INPP5A: variants seen among roughly 807,000 people sequenced by gnomAD.
INPP5A encodes inositol polyphosphate-5-phosphatase A.
A neutral mutation model predicts 65.2 loss-of-function variants in INPP5A; 14 were observed. The observed-to-expected ratio is 0.21, with a 90% CI of 0.14 to 0.34. INPP5A has a LOEUF of 0.34. Among genes scored for constraint, INPP5A ranks in the 10% least tolerant of loss-of-function variants. The probability of loss-of-function intolerance (pLI) is 1.00; values close to 1 mark genes in which losing one functional copy is unlikely to be tolerated. For synonymous variants in INPP5A, 207 were observed against 208.3 expected (o/e 0.99, Z 0.05); for missense variants, 431 against 545.6 (o/e 0.79, Z 2.09).
At chr10:132,580,426 G>A (rs541916452) in intron 1 of INPP5A, among the ~76,000 whole-genome samples, 1 of 152,296 alleles carries the variant, frequency 6.6e-6, no homozygotes, top group South Asian at 2.1e-4. Flanking sequence ...ATGATTGTAA[G>A]TTTTCTGAGG....
intron 5 of INPP5A, among the ~76,000 whole-genome samples, chr10:132,696,858 G>C (rs867224680): frequency 6.6e-6 from 1 of 152,170 alleles, no homozygotes; most frequent in African/African-American, 2.4e-5. Flanking sequence ...GGCTGGGCCA[G>C]ACCACAGCAC....
chr10:132,660,875 C>T (rs2072727296), intron 4 of INPP5A, among the ~76,000 whole-genome samples: 1 of 152,140 alleles, frequency 6.6e-6, no homozygotes, highest in African/African-American at 2.4e-5. Flanking sequence ...ACAGAGAGGA[C>T]CAGAAGTGGT....
At chr10:132,756,910 A>C (rs777783931) in intron 11 of INPP5A, among the ~76,000 whole-genome samples, 1 of 152,218 alleles carries the variant, frequency 6.6e-6, no homozygotes, top group Admixed American at 6.5e-5. Flanking sequence ...GCCTAGGCTC[A>C]TGTCTGTGTC....
rs373234520 is a variant in INPP5A, at chr10:132,708,774, G to A, written c.527+409G>A. Among the ~76,000 whole-genome samples, 624 of 152,308 alleles carry A rather than the reference G, an allele frequency of 4.1e-3. 2 individuals are homozygous for A. The highest frequency in any genetic ancestry group is 0.01 in the Middle Eastern group (3 of 294). ...CAGCAGACTGAGCACAGACGTAGCG[G>A]AGCCTGCGTCTCATCCACATATCCT... is the stretch of plus-strand genomic sequence containing the variant. On this transcript the variant is annotated intron_variant, in intron 7 of 15. Coordinates refer to ENST00000368594, the MANE Select transcript of INPP5A (RefSeq NM_005539.5).
intron 2 of INPP5A, among the ~76,000 whole-genome samples, chr10:132,642,407 C>G (rs1026171636): frequency 9.2e-5 from 14 of 152,226 alleles, no homozygotes; most frequent in Non-Finnish European, 1.5e-5. Flanking sequence ...GTCTGGCGTT[C>G]CGGGGCCCCT....
At chr10:132,715,342 T>C (rs760956290) in intron 8 of INPP5A, among the ~76,000 whole-genome samples, 20 of 152,344 alleles carry the variant, frequency 1.3e-4, no homozygotes, top group Non-Finnish European at 2.4e-4. Flanking sequence ...CCCATTATTT[T>C]CTCACAAATA....
chr10:132,699,904 T>A (rs1180494933), intron 6 of INPP5A, among the ~76,000 whole-genome samples: 2 of 152,144 alleles, frequency 1.3e-5, no homozygotes, highest in Non-Finnish European at 2.9e-5. Context: ...TTGGGCAAGA[T>A]CTGGGGGCCT....
intron 6 of INPP5A, among the ~76,000 whole-genome samples, chr10:132,699,462 C>T (rs558844886): frequency 9.2e-5 from 14 of 152,164 alleles, no homozygotes; most frequent in African/African-American, 2.9e-4. Flanking sequence ...GCTGTTGACC[C>T]GGCACCTCGT....
At chr10:132,542,874 C>T (rs2070924218) in intron 1 of INPP5A, among the ~76,000 whole-genome samples, 1 of 152,210 alleles carries the variant, frequency 6.6e-6, no homozygotes. Context: ...CTCACTGTAG[C>T]CTTGAACTCC....
chr10:132,639,805 T>G (rs2072403338), intron 2 of INPP5A, among the ~76,000 whole-genome samples: 2 of 152,266 alleles, frequency 1.3e-5, no homozygotes, highest in African/African-American at 4.8e-5. Context: ...TAATTTCTAC[T>G]GACTTATTTT....
Position 132,676,924 on chromosome 10 carries a change from C to T in INPP5A, c.307-13468C>T, listed in dbSNP as rs935389101. Among the ~76,000 whole-genome samples the T allele has an allele frequency of 8.5e-5, 13 of 152,132 alleles. No homozygotes were observed. The highest frequency in any genetic ancestry group is 2.2e-4 in the African/African-American group (9 of 41,406). On this transcript the variant is annotated intron_variant, in intron 4 of 15. Coordinates refer to ENST00000368594, the MANE Select transcript of INPP5A (RefSeq NM_005539.5). The surrounding 1 kb of genome is among the most constrained non-coding windows in gnomAD (Gnocchi z 4.0). ...GGCCCATCCACATGGTGACCCCCACCGTCACCCAGGCATCTGTCCTCAACT... is the reference window on the plus strand; with the variant it reads ...GGCCCATCCACATGGTGACCCCCACTGTCACCCAGGCATCTGTCCTCAACT...
At position 132,756,368 on chromosome 10, in the gene INPP5A, A is replaced by T. The variant is rs898872094; in HGVS notation, c.903+6523A>T. Among the ~76,000 whole-genome samples, 3 of 151,342 alleles carry T rather than the reference A, an allele frequency of 2.0e-5. 1 individual carries two copies. The highest frequency in any genetic ancestry group is 4.4e-5 in the Non-Finnish European group (3 of 67,766). On this transcript the variant is annotated intron_variant, in intron 11 of 15. Coordinates refer to ENST00000368594, the MANE Select transcript of INPP5A (RefSeq NM_005539.5). The stretch of plus-strand genomic sequence containing the variant: ...TATGCATGTGTGTGTACACGTGTGC[A>T]CTCGTGTGTGTGTATGTGTGCGTGT...
At chr10:132,556,508 A>G (rs2071128796) in intron 1 of INPP5A, among the ~76,000 whole-genome samples, 1 of 152,190 alleles carries the variant, frequency 6.6e-6, no homozygotes, top group South Asian at 2.1e-4. Flanking sequence ...TGCATGTACA[A>G]GCATGCACTA....
At chr10:132,568,151 AC>A (rs1462516686) in intron 1 of INPP5A, among the ~76,000 whole-genome samples, 1 of 146,844 alleles carries the variant, frequency 6.8e-6, no homozygotes, top group African/African-American at 2.5e-5. Context: ...AGATCGAGCC[AC>A]TGCTCTCCAG....
Position 132,637,178 on chromosome 10 carries a change from C to T in INPP5A, c.118-8690C>T, listed in dbSNP as rs1456431410. ...TGGTTGATCCGCCCGCTGCCTCGGC[C>T]TCCCAAAGTGGTGGGATTACAGGCG... On this transcript the variant is annotated intron_variant, in intron 2 of 15. Coordinates refer to ENST00000368594, the MANE Select transcript of INPP5A (RefSeq NM_005539.5). The surrounding 1 kb of genome is among the most constrained non-coding windows in gnomAD (Gnocchi z 4.1). 1.3e-5 allele frequency among the ~76,000 whole-genome samples: 2 copies of T among 152,222 alleles called. No homozygotes were observed. The highest frequency in any genetic ancestry group is 1.3e-4 in the Admixed American group (2 of 15,288).
rs2071802272 is a variant in INPP5A at position 132,603,494 on chromosome 10, G to A, written c.76-4421G>A. Among the ~76,000 whole-genome samples, 1 of 152,210 alleles carries A rather than the reference G, an allele frequency of 6.6e-6. No individual in the cohort carries two copies. Among genetic ancestry groups the A allele is most frequent in the South Asian group, 2.1e-4 (1 of 4,838 alleles). Reference sequence around the variant, plus strand: ...AGTTAAATTTAATCCTGCTCAAATTGTCAGGAGAAACAGACACTGAAGTGA... The same window carrying A: ...AGTTAAATTTAATCCTGCTCAAATTATCAGGAGAAACAGACACTGAAGTGA... On this transcript the variant is annotated intron_variant, in intron 1 of 15. Transcript: ENST00000368594. The surrounding 1 kb of genome is among the most constrained non-coding windows in gnomAD (Gnocchi z 4.2).
In INPP5A at chr10:132,592,092, T is replaced by C. The variant is rs1259803286; in HGVS notation, c.76-15823T>C. The stretch of plus-strand genomic sequence containing the variant: ...CACTTATAAGGCTAGAGTATAGAAC[T>C]GTGCCATAAATGAGGGAATTACGGA... On this transcript the variant is annotated intron_variant, in intron 1 of 15. Coordinates refer to ENST00000368594, the MANE Select transcript of INPP5A (RefSeq NM_005539.5). 5.3e-5 allele frequency among the ~76,000 whole-genome samples: 8 copies of C among 152,176 alleles called. 1 individual carries two copies. Among genetic ancestry groups the C allele is most frequent in the African/African-American group, 1.4e-4 (6 of 41,440 alleles).
chr10:132,649,128 G>C lies in INPP5A; in HGVS notation c.219-1290G>C, dbSNP rs117228405. ...CTGTTGCTGTATTTTTAAGTGGCTGGGCTCTTTTCTGTTGCAGATTTTGAT... is the reference window on the plus strand; with the variant it reads ...CTGTTGCTGTATTTTTAAGTGGCTGCGCTCTTTTCTGTTGCAGATTTTGAT... On this transcript the variant is annotated intron_variant, in intron 3 of 15. Transcript: ENST00000368594. Among the ~76,000 whole-genome samples the C allele has an allele frequency of 5.7e-3, 868 of 152,218 alleles. 11 individuals carry two copies. The highest frequency in any genetic ancestry group is 0.01 in the Admixed American group (158 of 15,288).
chr10:132,542,198 G>C (rs990230829), intron 1 of INPP5A, among the ~76,000 whole-genome samples: 3 of 152,248 alleles, frequency 2.0e-5, no homozygotes, highest in Admixed American at 2.0e-4. Flanking sequence ...TCGCAGCTAA[G>C]TCAGTTCTGA....
Sources: gnomAD v4.1 joint callset for allele counts (sites outside exome capture counted in the v4.1 genomes callset) on GRCh38, gnomAD v4.1.1 for gene constraint, Gnocchi (gnomAD v3.1) non-coding constraint, MANE v1.5 for transcripts, NCBI Gene and HGNC (gene_info 2026-07-23, HGNC 2026-07-21) for gene names.